NELL2: variants seen among roughly 807,000 people sequenced by gnomAD.
NELL2 encodes the protein neural EGFL like 2.
A neutral mutation model predicts 109.6 loss-of-function variants in NELL2; 41 were observed. That is an observed-to-expected ratio of 0.37 (90% confidence interval 0.29 to 0.49). The LOEUF (loss-of-function observed/expected upper bound fraction) is 0.49. NELL2 is among the 20% of genes least tolerant of loss of function. The pLI is 0.98. For synonymous variants in NELL2, 355 were observed against 344.7 expected (o/e 1.03, Z -0.33); for missense variants, 900 against 1,008.3 (o/e 0.89, Z 1.45).
chr12:44,513,975 AAGTGCATCATAGTCAAACT>A (rs1227675043), intron 19 of NELL2, among the ~76,000 whole-genome samples: 4 of 151,318 alleles, frequency 2.6e-5, no homozygotes, highest in Non-Finnish European at 5.9e-5. Flanking sequence ...AATTAGACCT[AAGTGCATCATAGTCAAACT>A]ACTAAAAACA....
chr12:44,888,110 T>G (rs968055055), intron 1 of NELL2, among the ~76,000 whole-genome samples: 2 of 152,054 alleles, frequency 1.3e-5, no homozygotes, highest in Non-Finnish European at 2.9e-5. Flanking sequence ...CCCCATTGTA[T>G]GTTCTTGGCA....
chr12:44,579,345 T>C (rs1323744283), intron 15 of NELL2, among the ~76,000 whole-genome samples: 1 of 152,180 alleles, frequency 6.6e-6, no homozygotes, highest in Non-Finnish European at 1.5e-5. Flanking sequence ...CAAATCAGTT[T>C]TGAATCTGTT....
Position 44,610,841 on chromosome 12 carries a change from CT to C in NELL2, c.1567+6del. On this transcript the variant is annotated splice_donor_region_variant and intron_variant, in intron 14 of 19. Coordinates refer to ENST00000429094, the MANE Select transcript of NELL2 (RefSeq NM_001145108.2). ...ATGGAAGAGGCACTGGCATTTAAAC[CT>C]TTTACCTTTGCATGTCGTTCCATTC... is the stretch of plus-strand genomic sequence containing the variant. 1.2e-6 allele frequency: 2 copies of C among 1,612,690 alleles called. No homozygotes were observed. The highest frequency in any genetic ancestry group is 4.5e-5 in the East Asian group (2 of 44,854).
At chr12:44,886,921 T>G (rs1340171254) in intron 1 of NELL2, among the ~76,000 whole-genome samples, 1 of 151,978 alleles carries the variant, frequency 6.6e-6, no homozygotes, top group Non-Finnish European at 1.5e-5. Flanking sequence ...GATATTAATC[T>G]TTTTGTGTTT....
At chr12:44,816,285 A>C in intron 2 of NELL2, 149 bp from the exon 3 acceptor site, 1 of 611,086 alleles carries the variant, frequency 1.6e-6, no homozygotes, top group East Asian at 3.0e-5. Flanking sequence ...ATTATTTTTC[A>C]AAAAGACTTT....
At chr12:44,826,533 C>G (rs1054149092) in intron 2 of NELL2, among the ~76,000 whole-genome samples, 7 of 152,184 alleles carry the variant, frequency 4.6e-5, no homozygotes, top group Non-Finnish European at 8.8e-5. Flanking sequence ...TTGATTAACA[C>G]TACTATATAC....
intron 14 of NELL2, among the ~76,000 whole-genome samples, chr12:44,609,012 T>G (rs1296458098): frequency 1.3e-5 from 2 of 151,734 alleles, no homozygotes; most frequent in Non-Finnish European, 2.9e-5. Flanking sequence ...TATAATAAAA[T>G]AGGTCAATTA....
intron 9 of NELL2, among the ~76,000 whole-genome samples, chr12:44,721,576 G>A (rs1938774053): frequency 6.6e-6 from 1 of 151,990 alleles, no homozygotes; most frequent in African/African-American, 2.4e-5. Flanking sequence ...AGTGAATTTG[G>A]TCAATACAGG....
rs751365606 is a variant in NELL2, at chr12:44,508,675, C to T, written c.*259G>A. The T allele has an allele frequency of 9.4e-5, 37 of 395,680 alleles. No individual in the cohort carries two copies. Among genetic ancestry groups the T allele is most frequent in the African/African-American group, 5.7e-4 (27 of 47,716 alleles). 24.5% of individuals were successfully genotyped at this position (395,680 alleles called of 1,614,324 possible). On this transcript the variant is annotated 3_prime_UTR_variant, in exon 20 of 20. Transcript: ENST00000429094. ...TTTCTATCCAGGGTTCAGGATGTCACGGTATATACTGTACGCCCATTCTTC... is the reference window on the plus strand; with the variant it reads ...TTTCTATCCAGGGTTCAGGATGTCATGGTATATACTGTACGCCCATTCTTC...
At chr12:44,663,185 T>C (rs763037639) in intron 13 of NELL2, among the ~76,000 whole-genome samples, 3 of 152,002 alleles carry the variant, frequency 2.0e-5, no homozygotes, top group Non-Finnish European at 4.4e-5. Flanking sequence ...TCCCAGGACA[T>C]AAAATGAAAA....
At chr12:44,809,104 ATAT>A (rs1427607145) in intron 3 of NELL2, among the ~76,000 whole-genome samples, 3 of 152,044 alleles carry the variant, frequency 2.0e-5, no homozygotes, top group Non-Finnish European at 4.4e-5. Context: ...TAAAGAAGAA[ATAT>A]TATAAACCAC....
chr12:44,582,088 G>C (rs1944344200), intron 15 of NELL2, among the ~76,000 whole-genome samples: 1 of 152,188 alleles, frequency 6.6e-6, no homozygotes, highest in African/African-American at 2.4e-5. Context: ...TAGAGACAAG[G>C]CCATCGATAG....
intron 15 of NELL2, among the ~76,000 whole-genome samples, chr12:44,588,119 GATC>G (rs1397152796): frequency 1.3e-5 from 2 of 149,858 alleles, no homozygotes; most frequent in Non-Finnish European, 3.0e-5. Context: ...AGTGAGCCGA[GATC>G]ATCGTGCCAC....
At chr12:44,756,194 T>G (rs74963543) in intron 9 of NELL2, among the ~76,000 whole-genome samples, 2,860 of 152,210 alleles carry the variant, frequency 0.019, 70 homozygotes, top group African/African-American at 0.055. Flanking sequence ...AGAAGGTGTC[T>G]CCTTTCCTAG....
At chr12:44,773,580 T>C (rs1941635568) in intron 9 of NELL2, among the ~76,000 whole-genome samples, 1 of 152,192 alleles carries the variant, frequency 6.6e-6, no homozygotes, top group Non-Finnish European at 1.5e-5. Context: ...TTCCTCTTTC[T>C]AACCACCTAC....
intron 2 of NELL2, among the ~76,000 whole-genome samples, chr12:44,853,400 C>G (rs938616067): frequency 4.3e-4 from 66 of 152,240 alleles, no homozygotes; most frequent in African/African-American, 1.5e-3. Context: ...AGATCCCAGG[C>G]AAACCCAAGT....
intron 9 of NELL2, among the ~76,000 whole-genome samples, chr12:44,744,371 T>C (rs928909714): frequency 2.0e-5 from 3 of 152,018 alleles, no homozygotes; most frequent in Non-Finnish European, 4.4e-5. Context: ...ATTGACACCC[T>C]AACATCACAA....
rs143990241 is a variant in NELL2 at position 44,701,186 on chromosome 12, G to C, written c.1318+2540C>G. ...CATAATCAAAAGGAAAGCCATATTT[G>C]ATAAGAATTATTCAAATCCTGAATA... On this transcript the variant is annotated intron_variant, in intron 12 of 19. Coordinates refer to ENST00000429094, the MANE Select transcript of NELL2 (RefSeq NM_001145108.2). Among the ~76,000 whole-genome samples the C allele has an allele frequency of 7.3e-3, 1,114 of 151,970 alleles. 9 individuals are homozygous for C. Among genetic ancestry groups the C allele is most frequent in the African/African-American group, 0.021 (878 of 41,458 alleles).
chr12:44,888,919 G>A (rs919057499), intron 1 of NELL2, among the ~76,000 whole-genome samples: 1 of 151,998 alleles, frequency 6.6e-6, no homozygotes, highest in Non-Finnish European at 1.5e-5. Flanking sequence ...AAAGAAAGGA[G>A]TTTGGAACTT....
Sources: gnomAD v4.1 joint callset for allele counts (sites outside exome capture counted in the v4.1 genomes callset) on GRCh38, gnomAD v4.1.1 for gene constraint, MANE v1.5 for transcripts, NCBI Gene and HGNC (gene_info 2026-07-23, HGNC 2026-07-21) for gene names.